Variants in PDE8B observed in about 807,000 individuals in gnomAD.
PDE8B encodes the protein high affinity cAMP-specific and IBMX-insensitive 3',5'-cyclic phosphodiesterase 8B.
A neutral mutation model predicts 101.3 loss-of-function variants in PDE8B; 26 were observed. That is an observed-to-expected ratio of 0.26 (90% CI 0.19 to 0.36). The LOEUF (loss-of-function observed/expected upper bound fraction) is 0.36, where lower values mean the gene tolerates loss of function less well. Ranked by LOEUF, PDE8B falls within the 10% of genes least tolerant of loss-of-function variation. The probability of loss-of-function intolerance (pLI) is 1.00; values close to 1 mark genes in which losing one functional copy is unlikely to be tolerated. For synonymous variants in PDE8B, 424 were observed against 429.3 expected (o/e 0.99, Z 0.15); for missense variants, 810 against 1,163.1 (o/e 0.70, Z 4.42).
intron 1 of PDE8B, among the ~76,000 whole-genome samples, chr5:77,279,785 A>G (rs982760725): frequency 1.3e-5 from 2 of 152,092 alleles, no homozygotes; most frequent in Admixed American, 6.5e-5. Flanking sequence ...CACCTGTGCT[A>G]CCTCTGTGCC....
chr5:77,404,015 G>A (rs1327023696), intron 11 of PDE8B, among the ~76,000 whole-genome samples: 1 of 150,140 alleles, frequency 6.7e-6, no homozygotes, highest in Non-Finnish European at 1.5e-5. Context: ...AGACAGTCTC[G>A]CTCTGTCACC....
At chr5:77,397,018 G>A (rs1001938387) in intron 10 of PDE8B, among the ~76,000 whole-genome samples, 14 of 119,806 alleles carry the variant, frequency 1.2e-4, no homozygotes, top group African/African-American at 4.9e-4. Flanking sequence ...CTATATTTCC[G>A]ATAAGAAATT....
intron 1 of PDE8B, among the ~76,000 whole-genome samples, chr5:77,217,923 A>G (rs892719809): frequency 2.6e-5 from 4 of 151,970 alleles, no homozygotes; most frequent in African/African-American, 9.7e-5. Context: ...TTTTTCTTCC[A>G]TCAGCAGATA....
At chr5:77,295,277 G>A (rs1226251624) in intron 1 of PDE8B, among the ~76,000 whole-genome samples, 4 of 152,092 alleles carry the variant, frequency 2.6e-5, no homozygotes, top group East Asian at 1.9e-4. Flanking sequence ...GCCAGACCTC[G>A]GGGAATGAAT....
chr5:77,132,333 A>T, the PDE8B span, among the ~76,000 whole-genome samples: 1 of 152,148 alleles, frequency 6.6e-6, no homozygotes. Context: ...CTGATTTATC[A>T]ACCTTGAATA....
chr5:77,251,449 C>T (rs1490869443), intron 1 of PDE8B, among the ~76,000 whole-genome samples: 1 of 152,190 alleles, frequency 6.6e-6, no homozygotes, highest in African/African-American at 2.4e-5. Flanking sequence ...TAATTTATTT[C>T]TGCTTGAGTT....
chr5:77,413,869 T>C (rs1795021192), intron 17 of PDE8B, among the ~76,000 whole-genome samples: 1 of 152,130 alleles, frequency 6.6e-6, no homozygotes, highest in Admixed American at 6.5e-5. Context: ...CCACTGCTGA[T>C]TTGTAGGGCA....
chr5:77,311,422 C>A (rs1287587489), intron 1 of PDE8B, among the ~76,000 whole-genome samples: 1 of 152,116 alleles, frequency 6.6e-6, no homozygotes, highest in Non-Finnish European at 1.5e-5. Flanking sequence ...ATTTGTGGAA[C>A]TACAACTAAG....
At chr5:77,343,564 G>T (rs1219187703) in intron 6 of PDE8B, among the ~76,000 whole-genome samples, 2 of 152,326 alleles carry the variant, frequency 1.3e-5, no homozygotes, top group South Asian at 4.1e-4. Context: ...AGGACTGGGA[G>T]TTGCTCTGGG....
intron 1 of PDE8B, among the ~76,000 whole-genome samples, chr5:77,240,191 T>TA (rs1755464296): frequency 6.6e-6 from 1 of 152,200 alleles, no homozygotes. Flanking sequence ...TCTCGCTCTA[T>TA]TGCCCAGGCT....
chr5:77,271,369 C>T (rs1458694539), intron 1 of PDE8B, among the ~76,000 whole-genome samples: 3 of 152,094 alleles, frequency 2.0e-5, no homozygotes, highest in Admixed American at 1.3e-4. Context: ...GTGGCTGGTA[C>T]GTGATCTTGA....
At chr5:77,184,744 C>T in the PDE8B span, among the ~76,000 whole-genome samples, 4 of 151,976 alleles carry the variant, frequency 2.6e-5, no homozygotes, top group African/African-American at 4.8e-5. Flanking sequence ...CTTTAGGGGG[C>T]TGAGGCAGGA....
intron 5 of PDE8B, among the ~76,000 whole-genome samples, chr5:77,332,983 A>AAT (rs36015907): frequency 0.19 from 28,738 of 150,734 alleles, 3,082 homozygotes; most frequent in Middle Eastern, 0.32. Flanking sequence ...CTGGCTTAAA[A>AAT]ATATATATAT....
At chr5:77,163,543 A>C in the PDE8B span, among the ~76,000 whole-genome samples, 2 of 152,238 alleles carry the variant, frequency 1.3e-5, no homozygotes, top group Non-Finnish European at 2.9e-5. Context: ...AATAACCACT[A>C]TGAACAGTTT....
At chr5:77,096,365 G>A in the PDE8B span, among the ~76,000 whole-genome samples, 1 of 152,122 alleles carries the variant, frequency 6.6e-6, no homozygotes, top group African/African-American at 2.4e-5. Context: ...GGTGGTGGTT[G>A]GCTGTCTTAG....
chr5:77,198,187 C>G, the PDE8B span, among the ~76,000 whole-genome samples: 1 of 152,056 alleles, frequency 6.6e-6, no homozygotes, highest in South Asian at 2.1e-4. Flanking sequence ...TCTAGGGATT[C>G]TTTAATATTT....
At chr5:77,297,827 G>A (rs1182764807) in intron 1 of PDE8B, among the ~76,000 whole-genome samples, 1 of 152,012 alleles carries the variant, frequency 6.6e-6, no homozygotes, top group Admixed American at 6.6e-5. Flanking sequence ...TCCTTCCATC[G>A]GTCTTCACTT....
intron 21 of PDE8B, 53 bp downstream of exon 21, chr5:77,425,949 A>G: frequency 6.5e-7 from 1 of 1,550,012 alleles, no homozygotes; most frequent in Non-Finnish European, 8.9e-7. Flanking sequence ...CTTTACGAAT[A>G]TTATCTTTAG....
At chr5:77,314,707 C>T (rs909935106) in intron 2 of PDE8B, among the ~76,000 whole-genome samples, 4 of 151,800 alleles carry the variant, frequency 2.6e-5, no homozygotes, top group South Asian at 2.1e-4. Flanking sequence ...CTTCTCTTGC[C>T]GAATTGCCCT....
Sources: allele counts gnomAD v4.1 joint callset (sites outside exome capture counted in the v4.1 genomes callset), GRCh38; gene constraint gnomAD v4.1.1; transcripts MANE v1.5; gene names NCBI Gene and HGNC (gene_info 2026-07-23, HGNC 2026-07-21).